The following RBFOX1 variants were observed in gnomAD, a reference collection of about 807,000 sequenced individuals.
RBFOX1 encodes RNA binding fox-1 homolog 1.
Under a neutral mutation model 57.7 loss-of-function variants are expected in RBFOX1, and 8 were observed. That is an observed-to-expected ratio of 0.14 (90% CI 0.08 to 0.25). The LOEUF is 0.25. RBFOX1 is among the 10% of genes least tolerant of loss of function. The pLI is 1.00. For missense variants in RBFOX1, 611 were observed against 548.5 expected, an observed-to-expected ratio of 1.11 and a Z score of -1.14; for synonymous variants, 326 against 222.4, an observed-to-expected ratio of 1.47 and a Z score of -4.15.
At chr16:6,809,472 T>C (rs1259793240) in intron 3 of RBFOX1, among the ~76,000 whole-genome samples, 1 of 152,152 alleles carries the variant, frequency 6.6e-6, no homozygotes, top group Non-Finnish European at 1.5e-5. Flanking sequence ...GATACAAAAA[T>C]ATTATCTTCC....
intron 3 of RBFOX1, among the ~76,000 whole-genome samples, chr16:6,948,583 T>A (rs1442821143): frequency 2.6e-5 from 4 of 151,876 alleles, no homozygotes; most frequent in Non-Finnish European, 5.9e-5. Context: ...GGTTTCACCA[T>A]GTTGGCCAGA....
intron 2 of RBFOX1, among the ~76,000 whole-genome samples, chr16:5,541,201 A>T (rs2044936603): frequency 6.6e-6 from 1 of 152,130 alleles, no homozygotes; most frequent in East Asian, 1.9e-4. Flanking sequence ...TATGTTTAAG[A>T]TAAGAAGCCC....
At chr16:5,897,016 C>CTTCTTTTTTTT (rs2058182237) in intron 4 of RBFOX1, among the ~76,000 whole-genome samples, 1 of 56,460 alleles carries the variant, frequency 1.8e-5, no homozygotes, top group African/African-American at 7.7e-5. Context: ...TATCCATCCG[C>CTTCTTTTTTTT]TTTTTTTTTT....
At chr16:6,261,838 A>T (rs2097703234) in intron 1 of RBFOX1, among the ~76,000 whole-genome samples, 1 of 150,706 alleles carries the variant, frequency 6.6e-6, no homozygotes, top group South Asian at 2.1e-4. Flanking sequence ...TTTACTAAAA[A>T]TACCAAAAAA....
At chr16:7,219,394 C>G (rs1218467685) in intron 4 of RBFOX1, among the ~76,000 whole-genome samples, 1 of 152,090 alleles carries the variant, frequency 6.6e-6, no homozygotes. Context: ...ACTCTTTGCA[C>G]CGTTAAGAGT....
At chr16:7,134,394 T>C (rs2071343287) in intron 4 of RBFOX1, among the ~76,000 whole-genome samples, 1 of 152,176 alleles carries the variant, frequency 6.6e-6, no homozygotes, top group African/African-American at 2.4e-5. Flanking sequence ...GGATTTATAG[T>C]GATGGTGATT....
At chr16:5,625,410 G>T (rs889772696) in intron 3 of RBFOX1, among the ~76,000 whole-genome samples, 1 of 152,042 alleles carries the variant, frequency 6.6e-6, no homozygotes, top group African/African-American at 2.4e-5. Flanking sequence ...CGTGGCCATG[G>T]GTCACACAGC....
At position 6,722,497 on chromosome 16, in the gene RBFOX1, T is replaced by G. The variant is rs938650183; in HGVS notation, c.-16+67847T>G. Among the ~76,000 whole-genome samples, 2 of 142,168 alleles carry G rather than the reference T, an allele frequency of 1.4e-5. 1 individual carries two copies. Among genetic ancestry groups the G allele is most frequent in the African/African-American group, 5.6e-5 (2 of 35,906 alleles). The allele number at this position is 142,168 out of a possible 152,430, so 93.3% of individuals were successfully genotyped here. A position where few individuals can be genotyped will look rare whatever the true frequency, so the allele number is the denominator to read the frequency against. Reference sequence around the variant, plus strand: ...GCGGCATATTCCATTGATGGAATATTTACCATGTAGATAAATACTTGGCAT... The same window carrying G: ...GCGGCATATTCCATTGATGGAATATGTACCATGTAGATAAATACTTGGCAT... On this transcript the variant is annotated intron_variant, in intron 3 of 15. Coordinates refer to ENST00000550418, the MANE Select transcript of RBFOX1 (RefSeq NM_018723.4).
At chr16:5,422,261 G>A (rs1273634577) in intron 1 of RBFOX1, among the ~76,000 whole-genome samples, 1 of 144,206 alleles carries the variant, frequency 6.9e-6, no homozygotes, top group Non-Finnish European at 1.5e-5. Context: ...AGAGGGAGGA[G>A]GAGCAGGGAG....
chr16:6,795,370 C>G (rs1053985162), intron 3 of RBFOX1, among the ~76,000 whole-genome samples: 1 of 151,978 alleles, frequency 6.6e-6, no homozygotes, highest in Non-Finnish European at 1.5e-5. Context: ...GAGTCCACAA[C>G]AAAATAAGAA....
chr16:6,555,926 C>T (rs114840959), intron 2 of RBFOX1, among the ~76,000 whole-genome samples: 53 of 152,082 alleles, frequency 3.5e-4, no homozygotes, highest in African/African-American at 1.1e-3. Flanking sequence ...CATAGGCATT[C>T]GGAATATAGG....
At chr16:7,458,402 T>G (rs141514206) in intron 4 of RBFOX1, among the ~76,000 whole-genome samples, 3 of 152,192 alleles carry the variant, frequency 2.0e-5, no homozygotes, top group African/African-American at 7.2e-5. Flanking sequence ...CTCAAATCTC[T>G]CCTTGTTCAT....
chr16:6,687,486 G>A (rs535251026), intron 3 of RBFOX1, among the ~76,000 whole-genome samples: 33 of 152,220 alleles, frequency 2.2e-4, no homozygotes, highest in African/African-American at 7.7e-4. Context: ...CTTAAAAGTG[G>A]TGATCTCTGC....
At chr16:7,053,303 C>T (rs767823437) in intron 4 of RBFOX1, among the ~76,000 whole-genome samples, 3 of 152,176 alleles carry the variant, frequency 2.0e-5, no homozygotes, top group Non-Finnish European at 2.9e-5. Context: ...TACCCACTTT[C>T]CTCCAAGTAC....
At chr16:6,228,344 C>A (rs7500565) in intron 1 of RBFOX1, among the ~76,000 whole-genome samples, 147,120 of 152,042 alleles carry the variant, frequency 0.97, 71,333 homozygotes, top group East Asian at 1. Flanking sequence ...AAAATAAAAA[C>A]TAAACAAAAT....
intron 1 of RBFOX1, among the ~76,000 whole-genome samples, chr16:5,374,539 G>C (rs77879894): frequency 1.8e-3 from 281 of 152,248 alleles, no homozygotes; most frequent in Non-Finnish European, 3.5e-3. Context: ...CACAGGGAGT[G>C]GGAAGGGGAG....
intron 2 of RBFOX1, among the ~76,000 whole-genome samples, chr16:5,505,595 C>T (rs1289085036): frequency 3.3e-5 from 5 of 152,194 alleles, no homozygotes; most frequent in Admixed American, 2.0e-4. Flanking sequence ...CATGCAACTA[C>T]ATCAGGCACT....
intron 6 of RBFOX1, among the ~76,000 whole-genome samples, chr16:7,582,758 C>T (rs1182115406): frequency 6.6e-6 from 1 of 152,168 alleles, no homozygotes; most frequent in East Asian, 1.9e-4. Context: ...CCCACTTTGA[C>T]AGGGGTTTAC....
At chr16:6,326,308 T>G (rs931997929) in intron 2 of RBFOX1, among the ~76,000 whole-genome samples, 1 of 152,206 alleles carries the variant, frequency 6.6e-6, no homozygotes, top group Non-Finnish European at 1.5e-5. Context: ...ACAGATATGG[T>G]GCTGTACACT....
Sources: gnomAD v4.1 joint callset for allele counts (sites outside exome capture counted in the v4.1 genomes callset) on GRCh38, gnomAD v4.1.1 for gene constraint, MANE v1.5 for transcripts, NCBI Gene and HGNC (gene_info 2026-07-23, HGNC 2026-07-21) for gene names.